Variants in HTR4 observed in about 807,000 individuals in gnomAD.
HTR4 encodes 5-hydroxytryptamine (serotonin) receptor 4, G protein-coupled.
Under a neutral mutation model 36.8 loss-of-function variants are expected in HTR4, and 16 were observed. That is an observed-to-expected ratio of 0.43 (90% confidence interval 0.29 to 0.66). The LOEUF (loss-of-function observed/expected upper bound fraction) is 0.66. Among genes scored for constraint, HTR4 ranks in the 30% least tolerant of loss-of-function variants. The probability of loss-of-function intolerance (pLI) is 0.13; values close to 1 mark genes in which losing one functional copy is unlikely to be tolerated. For synonymous variants in HTR4, 189 were observed against 185.1 expected (o/e 1.02, Z -0.17); for missense variants, 438 against 490.9 (o/e 0.89, Z 1.02).
intron 4 of HTR4, among the ~76,000 whole-genome samples, chr5:148,536,516 C>T (rs887199731): frequency 1.3e-5 from 2 of 151,482 alleles, no homozygotes; most frequent in African/African-American, 4.8e-5. Context: ...GTAATGATAC[C>T]CATAGACTTA....
chr5:148,574,661 C>T (rs1760818115), intron 2 of HTR4, among the ~76,000 whole-genome samples: 1 of 152,064 alleles, frequency 6.6e-6, no homozygotes, highest in Non-Finnish European at 1.5e-5. Flanking sequence ...AAACTGACTT[C>T]TTAATCTTTC....
intron 2 of HTR4, among the ~76,000 whole-genome samples, chr5:148,570,112 G>C (rs565006069): frequency 2.6e-5 from 4 of 152,146 alleles, no homozygotes; most frequent in Non-Finnish European, 2.9e-5. Context: ...CTGGGTGTGA[G>C]CCCAGCTCCA....
At chr5:148,495,374 T>A (rs1756639213) in intron 6 of HTR4, among the ~76,000 whole-genome samples, 1 of 152,230 alleles carries the variant, frequency 6.6e-6, no homozygotes, top group African/African-American at 2.4e-5. Context: ...GCTCTAAGGT[T>A]ACAGTCAGCA....
At chr5:148,548,211 A>G (rs1759483846) in intron 4 of HTR4, among the ~76,000 whole-genome samples, 1 of 152,234 alleles carries the variant, frequency 6.6e-6, no homozygotes, top group Non-Finnish European at 1.5e-5. Flanking sequence ...ATGCACATAC[A>G]TAAATATGTA....
chr5:148,455,463 A>G (rs1364328775), intron 5 of HTR4, among the ~76,000 whole-genome samples: 3 of 152,192 alleles, frequency 2.0e-5, no homozygotes, highest in African/African-American at 7.2e-5. Flanking sequence ...CCTCATAAGC[A>G]TCTGTTTCTC....
rs952435257 is a variant in HTR4 at position 148,509,631 on chromosome 5, C to T, written c.901G>A (p.Gly301Ser). 10 of 1,613,822 alleles carry T rather than the reference C, an allele frequency of 6.2e-6. No individual in the cohort carries two copies. The highest frequency in any genetic ancestry group is 3.3e-5 in the South Asian group (3 of 91,072). The change falls in exon 6 of 7, where the codon GGC becomes AGC. Residue 301 changes from glycine (G) to serine (S), a missense_variant. Transcript: ENST00000377888. ...GGGTTCAACCCGGAATTGATATAGC[C>T]GAGCCAGAGGAAAGCAGTCCACACC... ...GQVWTAFLWL[G>S]YINSGLNPFL...
chr5:148,562,849 T>C (rs1161074558), intron 2 of HTR4, among the ~76,000 whole-genome samples: 1 of 152,178 alleles, frequency 6.6e-6, no homozygotes, highest in Non-Finnish European at 1.5e-5. Context: ...TCATAACGTT[T>C]CCTGATCCCA....
chr5:148,618,928 A>G (rs7721747), intron 2 of HTR4, among the ~76,000 whole-genome samples: 82,671 of 152,052 alleles, frequency 0.54, 23,782 homozygotes, highest in African/African-American at 0.74. Context: ...GATTCCAATC[A>G]CTTTCATTTT....
chr5:148,550,209 G>C lies in HTR4; in HGVS notation c.80C>G (p.Ser27Trp). ...VEKVVLLTFL[S>W]TVILMAILGN... ...CAAGATGGCCATCAGGATAACCGTC[G>C]AGAGAAACGTGAGCAGCACCACCTT... Residue 27 changes from serine (S) to tryptophan (W), a missense_variant, in exon 3 of 7, where the codon TCG (serine) becomes TGG (tryptophan). Transcript: ENST00000377888. The C allele has an allele frequency of 6.2e-7, 1 of 1,614,014 alleles. No individual in the cohort carries two copies. The highest frequency in any genetic ancestry group is 8.5e-7 in the Non-Finnish European group (1 of 1,179,984).
At chr5:148,471,833 T>C (rs540252380), downstream of HTR4, among the ~76,000 whole-genome samples, 3 of 152,348 alleles carry the variant, frequency 2.0e-5, no homozygotes, top group East Asian at 1.9e-4. Flanking sequence ...GAAAAGATCA[T>C]GGATTTCATC....
chr5:148,486,666 C>T (rs1421612571), intron 6 of HTR4, among the ~76,000 whole-genome samples: 1 of 152,156 alleles, frequency 6.6e-6, no homozygotes, highest in Non-Finnish European at 1.5e-5. Flanking sequence ...GACTGTTCTC[C>T]AAAGCTGTGG....
intron 2 of HTR4, chr5:148,629,716 T>C (rs911165264): frequency 6.6e-6 from 1 of 152,184 alleles, no homozygotes. Context: ...ATGCTTATAT[T>C]AATGCCGTCA....
At chr5:148,485,101 C>G (rs1454195389) in intron 6 of HTR4, among the ~76,000 whole-genome samples, 1 of 152,038 alleles carries the variant, frequency 6.6e-6, no homozygotes, top group African/African-American at 2.4e-5. Context: ...AATTTCTCAT[C>G]TCTCATTGGC....
intron 5 of HTR4, among the ~76,000 whole-genome samples, chr5:148,461,469 A>G (rs1052758684): frequency 3.9e-5 from 6 of 152,056 alleles, no homozygotes; most frequent in African/African-American, 1.4e-4. Context: ...GAGCAGTTAT[A>G]TTAATTTTAA....
intron 2 of HTR4, among the ~76,000 whole-genome samples, chr5:148,559,046 G>C (rs942830872): frequency 6.6e-6 from 1 of 152,200 alleles, no homozygotes; most frequent in African/African-American, 2.4e-5. Context: ...CATGGGCCTA[G>C]AGTTGGGCAA....
intron 2 of HTR4, among the ~76,000 whole-genome samples, chr5:148,614,142 A>T (rs1328187875): frequency 6.6e-6 from 1 of 152,204 alleles, no homozygotes; most frequent in Admixed American, 6.5e-5. Flanking sequence ...ATCCCCATCA[A>T]GCTACCAATG....
chr5:148,651,339 G>C (rs762606975), intron 1 of HTR4, among the ~76,000 whole-genome samples: 25 of 152,084 alleles, frequency 1.6e-4, no homozygotes, highest in Non-Finnish European at 3.4e-4. Flanking sequence ...AAGTTGGAAG[G>C]GGGTGGGAAG....
chr5:148,589,778 T>C (rs1369436437), intron 2 of HTR4, among the ~76,000 whole-genome samples: 3 of 152,074 alleles, frequency 2.0e-5, no homozygotes, highest in African/African-American at 7.2e-5. Context: ...TATTTTAATA[T>C]ACATACACAT....
At chr5:148,564,277 G>A (rs550413822) in intron 2 of HTR4, among the ~76,000 whole-genome samples, 4 of 152,188 alleles carry the variant, frequency 2.6e-5, no homozygotes, top group Non-Finnish European at 5.9e-5. Context: ...GCAAGCTCTC[G>A]CATGTCCTTC....
Sources: allele counts gnomAD v4.1 joint callset (sites outside exome capture counted in the v4.1 genomes callset), GRCh38; gene constraint gnomAD v4.1.1; transcripts MANE v1.5; gene names NCBI Gene and HGNC (gene_info 2026-07-23, HGNC 2026-07-21).